ERO1B: variants seen among roughly 807,000 people sequenced by gnomAD.
The protein encoded by ERO1B is endoplasmic reticulum oxidoreductase 1 beta.
A neutral mutation model predicts 75.3 loss-of-function variants in ERO1B; 49 were observed. That is an observed-to-expected ratio of 0.65 (90% CI 0.52 to 0.83). The LOEUF is 0.83. ERO1B is among the 40% of genes least tolerant of loss of function. ERO1B has a pLI of 0.00. For synonymous variants in ERO1B, 191 were observed against 192.9 expected (o/e 0.99, Z 0.08); for missense variants, 512 against 560.1 (o/e 0.91, Z 0.87).
intron 10 of ERO1B, among the ~76,000 whole-genome samples, chr1:236,229,675 C>T (rs1664355340): frequency 1.3e-5 from 2 of 152,074 alleles, no homozygotes; most frequent in Non-Finnish European, 2.9e-5. Context: ...TAAAATCCTA[C>T]AACATTTCAC....
intron 6 of ERO1B, among the ~76,000 whole-genome samples, chr1:236,241,619 G>A (rs1234250846): frequency 1.3e-5 from 2 of 152,058 alleles, no homozygotes; most frequent in African/African-American, 4.8e-5. Context: ...ACTCAGAAGA[G>A]TCATGGTAAA....
intron 9 of ERO1B, among the ~76,000 whole-genome samples, chr1:236,232,444 A>T (rs1249490234): frequency 6.6e-6 from 1 of 152,186 alleles, no homozygotes; most frequent in Non-Finnish European, 1.5e-5. Flanking sequence ...TAAGTATTAT[A>T]TTGATACCTG....
intron 5 of ERO1B, among the ~76,000 whole-genome samples, chr1:236,246,958 A>T (rs10802449): frequency 0.052 from 7,976 of 152,296 alleles, 583 homozygotes; most frequent in East Asian, 0.39. Context: ...AATCCTAACA[A>T]CACAGCCAAC....
chr1:236,265,095 T>G (rs1207455146), intron 2 of ERO1B, among the ~76,000 whole-genome samples: 1 of 152,114 alleles, frequency 6.6e-6, no homozygotes, highest in African/African-American at 2.4e-5. Flanking sequence ...AGTTGTTTTT[T>G]TCTTATTTGA....
At chr1:236,274,108 C>T (rs2463186) in intron 1 of ERO1B, among the ~76,000 whole-genome samples, 90 of 151,396 alleles carry the variant, frequency 5.9e-4, no homozygotes, top group African/African-American at 2.1e-3. Context: ...CTCAGCCTCC[C>T]GAGTAGCTGG....
chr1:236,274,052 T>C (rs2695036), intron 1 of ERO1B, among the ~76,000 whole-genome samples: 1 of 148,086 alleles, frequency 6.8e-6, no homozygotes, highest in African/African-American at 2.5e-5. Context: ...ATCACAGTCT[T>C]GGCTCACTGA....
At chr1:236,279,843 C>CAAAAAAAAAA (rs60949594) in intron 1 of ERO1B, among the ~76,000 whole-genome samples, 3 of 135,298 alleles carry the variant, frequency 2.2e-5, no homozygotes, top group Non-Finnish European at 4.7e-5. Context: ...GACACTATCT[C>CAAAAAAAAAA]AAAAAAAAAA....
intron 1 of ERO1B, among the ~76,000 whole-genome samples, chr1:236,273,782 G>C (rs755036312): frequency 7.1e-4 from 105 of 146,906 alleles, no homozygotes; most frequent in Non-Finnish European, 2.8e-4. Flanking sequence ...CTCCAGCTTG[G>C]GGAAAAGAGC....
chr1:236,234,969 A>G (rs1300723575), intron 8 of ERO1B, among the ~76,000 whole-genome samples: 8 of 152,236 alleles, frequency 5.3e-5, no homozygotes, highest in Non-Finnish European at 1.2e-4. Flanking sequence ...AAGTATACAC[A>G]CACTACAACA....
intron 15 of ERO1B, among the ~76,000 whole-genome samples, chr1:236,219,115 A>C (rs1210659393): frequency 6.6e-6 from 1 of 152,216 alleles, no homozygotes; most frequent in Non-Finnish European, 1.5e-5. Context: ...AAGTAATTCT[A>C]AAAGCTCAAG....
At chr1:236,254,856 G>C (rs541005779) in intron 2 of ERO1B, among the ~76,000 whole-genome samples, 1 of 151,538 alleles carries the variant, frequency 6.6e-6, no homozygotes, top group Non-Finnish European at 1.5e-5. Flanking sequence ...CAGGTGACCC[G>C]CCTGCCTTGG....
intron 2 of ERO1B, among the ~76,000 whole-genome samples, chr1:236,256,175 C>T (rs1478287888): frequency 2.0e-5 from 3 of 152,232 alleles, no homozygotes; most frequent in African/African-American, 7.2e-5. Flanking sequence ...GGAGGAACAG[C>T]ACCCTCTGCG....
intron 3 of ERO1B, among the ~76,000 whole-genome samples, 198 bp downstream of exon 3, chr1:236,253,224 G>T (rs1367780770): frequency 1.3e-5 from 2 of 152,084 alleles, no homozygotes; most frequent in Non-Finnish European, 2.9e-5. Context: ...AGTATCACTG[G>T]ATACAAGTGT....
At position 236,277,134 on chromosome 1, in the gene ERO1B, T is replaced by A. The variant is rs144178786; in HGVS notation, c.102+4548A>T. 1.7e-3 allele frequency among the ~76,000 whole-genome samples: 257 copies of A among 152,330 alleles called. 3 individuals carry two copies. In the East Asian group the frequency reaches 0.046, roughly 28 times the overall value. On this transcript the variant is annotated intron_variant, in intron 1 of 15. Coordinates refer to ENST00000354619, the MANE Select transcript of ERO1B (RefSeq NM_019891.4). The stretch of plus-strand genomic sequence containing the variant: ...CAAGAATGGACTAAGCCAGGCACAG[T>A]GGCTCACGCCTGTAATCCCAGCACT...
chr1:236,226,860 A>G, intron 10 of ERO1B, 121 bp from the exon 11 acceptor site: 1 of 702,856 alleles, frequency 1.4e-6, no homozygotes, highest in Non-Finnish European at 2.4e-6. Context: ...ATCAAGGAAT[A>G]ATATAAAACT....
intron 1 of ERO1B, 21 bp downstream of exon 1, chr1:236,281,661 C>T (rs1378070091): frequency 2.4e-5 from 34 of 1,400,444 alleles, no homozygotes; most frequent in Non-Finnish European, 3.2e-5. Context: ...GGGTTCCCGG[C>T]CCGCTATCAC....
chr1:236,254,035 T>A, intron 2 of ERO1B, among the ~76,000 whole-genome samples: 1 of 152,054 alleles, frequency 6.6e-6, no homozygotes, highest in Non-Finnish European at 1.5e-5. Flanking sequence ...AAGTGTGCAT[T>A]TGGATAAGGC....
intron 1 of ERO1B, among the ~76,000 whole-genome samples, chr1:236,271,361 G>T (rs914984746): frequency 6.6e-6 from 1 of 152,052 alleles, no homozygotes; most frequent in Non-Finnish European, 1.5e-5. Context: ...TGTGTCCCCA[G>T]ACTCCCTTCA....
chr1:236,216,641 A>G lies in ERO1B; in HGVS notation c.*1875T>C, dbSNP rs1288765835. 6.6e-6 allele frequency: 1 copy of G among 152,142 alleles called. No individual in the cohort carries two copies. The highest frequency in any genetic ancestry group is 1.5e-5 in the Non-Finnish European group (1 of 67,980). The allele number at this position is 152,142 out of a possible 1,614,324, so 9.4% of individuals were successfully genotyped here. ...GTACAGAAAAAAACAATAAATGGAC[A>G]TGAGCGAGGATTTTCTCCAGTAAAC... On this transcript the variant is annotated 3_prime_UTR_variant, in exon 16 of 16. Transcript: ENST00000354619.
Sources: gnomAD v4.1 joint callset for allele counts (sites outside exome capture counted in the v4.1 genomes callset) on GRCh38, gnomAD v4.1.1 for gene constraint, MANE v1.5 for transcripts, NCBI Gene and HGNC (gene_info 2026-07-23, HGNC 2026-07-21) for gene names.